The following SH3BGR variants were observed in gnomAD, a reference collection of about 807,000 sequenced individuals.
The protein encoded by SH3BGR is SH3 domain binding glutamate rich protein, also known as SH3 domain-binding glutamic acid-rich protein.
Under a neutral mutation model 24.5 loss-of-function variants are expected in SH3BGR, and 29 were observed. That is an observed-to-expected ratio of 1.18 (90% CI 0.88 to 1.61). The LOEUF is 1.61. Ranked by LOEUF, SH3BGR falls within the 40% of genes most tolerant of loss-of-function variation. The pLI is 0.00. For synonymous variants in SH3BGR, 55 were observed against 65.7 expected, an observed-to-expected ratio of 0.84 and a Z score of 0.79; for missense variants, 162 against 205.8, an observed-to-expected ratio of 0.79 and a Z score of 1.30.
chr21:39,512,802 A>C (rs917172065), intron 6 of SH3BGR, among the ~76,000 whole-genome samples: 15 of 152,070 alleles, frequency 9.9e-5, no homozygotes, highest in African/African-American at 3.6e-4. Context: ...CAAAACAAAA[A>C]CAAAAACAAA....
intron 6 of SH3BGR, among the ~76,000 whole-genome samples, chr21:39,513,624 C>A (rs1293247856): frequency 1.3e-5 from 2 of 152,036 alleles, no homozygotes; most frequent in African/African-American, 4.8e-5. Context: ...CAGACTTCTA[C>A]TTTAAAGCCC....
intron 4 of SH3BGR, among the ~76,000 whole-genome samples, chr21:39,505,585 G>A (rs2078568467): frequency 6.6e-6 from 1 of 152,102 alleles, no homozygotes; most frequent in South Asian, 2.1e-4. Flanking sequence ...CCAACATGGT[G>A]AAACCCCATC....
chr21:39,498,752 C>A (rs748166143), intron 3 of SH3BGR, among the ~76,000 whole-genome samples: 2 of 152,186 alleles, frequency 1.3e-5, no homozygotes, highest in Non-Finnish European at 2.9e-5. Context: ...GTCCTAATCT[C>A]TCTCTCTCTC....
rs760664711 is a variant in SH3BGR, at chr21:39,511,636, G to A, written c.436-44G>A. The stretch of plus-strand genomic sequence containing the variant: ...CAGTCTTTTTCTCACTGTATCCTTG[G>A]CCCTTATGCTTCTTAATACTAATGT... On this transcript the variant is annotated intron_variant, in intron 5 of 6. Coordinates refer to ENST00000333634, the MANE Select transcript of SH3BGR (RefSeq NM_007341.3). This position sits in a 1 kb window ranked among gnomAD's most constrained non-coding sequence, Gnocchi z 4.2. 1.3e-6 allele frequency: 2 copies of A among 1,594,194 alleles called. No individual in the cohort carries two copies. The highest frequency in any genetic ancestry group is 1.7e-6 in the Non-Finnish European group (2 of 1,171,282).
At chr21:39,502,531 G>T (rs1483200444) in intron 4 of SH3BGR, among the ~76,000 whole-genome samples, 2 of 152,202 alleles carry the variant, frequency 1.3e-5, no homozygotes, top group Non-Finnish European at 2.9e-5. Context: ...CCCACATTTG[G>T]TTCCTAAGAC....
At chr21:39,445,896 A>T (rs1015577756), upstream of SH3BGR, 2 of 152,138 alleles carry the variant, frequency 1.3e-5, no homozygotes. Context: ...CCTGGAGGTC[A>T]GTGTGGCCTC....
intron 4 of SH3BGR, among the ~76,000 whole-genome samples, chr21:39,507,215 A>G (rs1176683618): frequency 6.6e-6 from 1 of 152,208 alleles, no homozygotes; most frequent in East Asian, 1.9e-4. Flanking sequence ...CAGGCTTTCA[A>G]GTTCAGTGCC....
At chr21:39,470,565 C>T (rs2077922254) in intron 2 of SH3BGR, among the ~76,000 whole-genome samples, 1 of 152,098 alleles carries the variant, frequency 6.6e-6, no homozygotes. Context: ...CCCAGTCTGT[C>T]CCAAACATTA....
At chr21:39,473,536 A>G (rs2077975876) in intron 2 of SH3BGR, among the ~76,000 whole-genome samples, 1 of 152,164 alleles carries the variant, frequency 6.6e-6, no homozygotes, top group South Asian at 2.1e-4. Context: ...AATAAAATTA[A>G]TCACTGAGAG....
At chr21:39,514,358 A>ATTAT (rs1555915899) in intron 6 of SH3BGR, among the ~76,000 whole-genome samples, 3 of 151,808 alleles carry the variant, frequency 2.0e-5, no homozygotes, top group Non-Finnish European at 4.4e-5. Flanking sequence ...TATTATTATT[A>ATTAT]TTATTTATTT....
intron 6 of SH3BGR, 60 bp from the exon 7 acceptor site, chr21:39,515,028 G>A (rs552845736): frequency 4.4e-6 from 2 of 451,768 alleles, no homozygotes; most frequent in African/African-American, 4.0e-5. Flanking sequence ...GATGAAGATT[G>A]TGGTAAACAT....
intron 3 of SH3BGR, among the ~76,000 whole-genome samples, chr21:39,477,550 T>A (rs1490926563): frequency 6.6e-6 from 1 of 152,180 alleles, no homozygotes; most frequent in African/African-American, 2.4e-5. Context: ...TTTGGAGTAT[T>A]TCCTTAGGAT....
At chr21:39,446,922 G>A (rs1268428151) in intron 1 of SH3BGR, 5 of 152,136 alleles carry the variant, frequency 3.3e-5, no homozygotes, top group African/African-American at 7.2e-5. Context: ...TATATAAAAG[G>A]AGAAACGGGT....
intron 3 of SH3BGR, among the ~76,000 whole-genome samples, chr21:39,498,008 A>G (rs1341350485): frequency 6.6e-6 from 1 of 152,198 alleles, no homozygotes; most frequent in Admixed American, 6.5e-5. Context: ...TGACTGGGAA[A>G]TGTTTGAATA....
chr21:39,482,710 C>T (rs888707881), intron 3 of SH3BGR, among the ~76,000 whole-genome samples: 2 of 152,002 alleles, frequency 1.3e-5, no homozygotes, highest in African/African-American at 4.8e-5. Flanking sequence ...CGCTCTGTCA[C>T]CCAGGCTGGA....
intron 4 of SH3BGR, among the ~76,000 whole-genome samples, chr21:39,503,453 A>G (rs906443542): frequency 6.6e-5 from 10 of 152,308 alleles, no homozygotes; most frequent in African/African-American, 2.4e-4. Context: ...GTTAAAAACA[A>G]TTGTCATGTG....
chr21:39,459,569 A>T (rs532627512), intron 1 of SH3BGR, among the ~76,000 whole-genome samples: 1 of 150,168 alleles, frequency 6.7e-6, no homozygotes, highest in Non-Finnish European at 1.5e-5. Flanking sequence ...GTCTTGTTCT[A>T]TTGCCAAGGC....
chr21:39,467,740 C>T (rs2077867504), intron 2 of SH3BGR, among the ~76,000 whole-genome samples: 1 of 152,112 alleles, frequency 6.6e-6, no homozygotes. Flanking sequence ...ATGATGGCAG[C>T]AGGTGGAAGG....
chr21:39,475,354 C>A, intron 3 of SH3BGR, 139 bp downstream of exon 3: 1 of 534,310 alleles, frequency 1.9e-6, no homozygotes, highest in Non-Finnish European at 3.3e-6. Flanking sequence ...CTGATGCAGT[C>A]CTATGCATAG....
Sources: allele counts gnomAD v4.1 joint callset (sites outside exome capture counted in the v4.1 genomes callset), GRCh38; gene constraint gnomAD v4.1.1; non-coding constraint Gnocchi (gnomAD v3.1); transcripts MANE v1.5; gene names NCBI Gene and HGNC (gene_info 2026-07-23, HGNC 2026-07-21).